STAG1: variants seen among roughly 807,000 people sequenced by gnomAD.
STAG1 encodes cohesin subunit SA-1.
Under a neutral mutation model 170.9 loss-of-function variants are expected in STAG1, and 26 were observed. That is an observed-to-expected ratio of 0.15 (90% CI 0.11 to 0.21). The LOEUF (loss-of-function observed/expected upper bound fraction) is 0.21, where lower values mean the gene tolerates loss of function less well. Among genes scored for constraint, STAG1 ranks in the 10% least tolerant of loss-of-function variants. The pLI, the probability that STAG1 is intolerant of heterozygous loss-of-function variation, is 1.00. For synonymous variants in STAG1, 514 were observed against 497.7 expected (o/e 1.03, Z -0.44); for missense variants, 964 against 1,509.5 (o/e 0.64, Z 5.99).
At chr3:136,345,904 C>T (rs575236591) in intron 29 of STAG1, among the ~76,000 whole-genome samples, 1 of 152,198 alleles carries the variant, frequency 6.6e-6, no homozygotes, top group East Asian at 1.9e-4. Context: ...ACTACTCAAT[C>T]TCTTCTTAGT....
chr3:136,742,762 T>C (rs1206216789), intron 1 of STAG1, among the ~76,000 whole-genome samples: 1 of 149,650 alleles, frequency 6.7e-6, no homozygotes, highest in Non-Finnish European at 1.5e-5. Context: ...TTCTAAGTAA[T>C]CCATGGGTAA....
intron 12 of STAG1, among the ~76,000 whole-genome samples, chr3:136,466,325 A>C: frequency 6.6e-6 from 1 of 152,224 alleles, no homozygotes. Flanking sequence ...GATGGAGCTG[A>C]AAACCATGGC....
chr3:136,441,292 CA>C (rs1390894789), intron 15 of STAG1, among the ~76,000 whole-genome samples: 1 of 152,152 alleles, frequency 6.6e-6, no homozygotes, highest in Non-Finnish European at 1.5e-5. Context: ...CTCAGCCTCC[CA>C]AAGTGCTGGG....
At chr3:136,705,409 ACACACACACACACAC>A (rs1943201926) in intron 1 of STAG1, among the ~76,000 whole-genome samples, 1 of 151,364 alleles carries the variant, frequency 6.6e-6, no homozygotes, top group Non-Finnish European at 1.5e-5. Context: ...ACACACACAC[ACACACACACACACAC>A]AACGAAGTTC....
chr3:136,368,537 A>G (rs1245164961), intron 24 of STAG1, among the ~76,000 whole-genome samples: 1 of 105,604 alleles, frequency 9.5e-6, no homozygotes, highest in Non-Finnish European at 2.2e-5. Context: ...CCAATTAGAA[A>G]CAACATCTAT....
At chr3:136,581,462 A>C (rs1001891039) in intron 4 of STAG1, among the ~76,000 whole-genome samples, 4 of 152,204 alleles carry the variant, frequency 2.6e-5, no homozygotes, top group Non-Finnish European at 2.9e-5. Context: ...CAGAAAAAAA[A>C]CCACCTGTCT....
chr3:136,435,969 GT>G (rs961221956), intron 15 of STAG1, among the ~76,000 whole-genome samples: 11 of 151,454 alleles, frequency 7.3e-5, no homozygotes, highest in Non-Finnish European at 1.5e-4. Flanking sequence ...CACCCAGCCT[GT>G]TTTTTTTGAG....
At chr3:136,378,035 T>C (rs1378280900) in intron 22 of STAG1, among the ~76,000 whole-genome samples, 1 of 152,206 alleles carries the variant, frequency 6.6e-6, no homozygotes, top group African/African-American at 2.4e-5. Flanking sequence ...TTTAGGTTGA[T>C]TAAAATTGCT....
chr3:136,547,368 T>C (rs1269991981), intron 5 of STAG1, among the ~76,000 whole-genome samples: 1 of 152,192 alleles, frequency 6.6e-6, no homozygotes, highest in African/African-American at 2.4e-5. Flanking sequence ...CCACCAAAGG[T>C]GGTAGCTGTC....
At chr3:136,641,099 T>C (rs544307755) in intron 1 of STAG1, among the ~76,000 whole-genome samples, 78 of 152,324 alleles carry the variant, frequency 5.1e-4, no homozygotes, top group Non-Finnish European at 3.2e-4. Flanking sequence ...ACATAATGAA[T>C]AGAAGAGCTG....
chr3:136,377,575 A>T, intron 23 of STAG1, 85 bp downstream of exon 23: 8 of 1,076,634 alleles, frequency 7.4e-6, no homozygotes, highest in Non-Finnish European at 1.1e-5. Flanking sequence ...GTGTACAAAA[A>T]CTGCCATAAA....
chr3:136,656,617 T>TTTTGTGTGTGTGTGTG (rs375214863), intron 1 of STAG1, among the ~76,000 whole-genome samples: 3 of 143,294 alleles, frequency 2.1e-5, no homozygotes, highest in African/African-American at 5.5e-5. Context: ...CTGTATTTAT[T>TTTTGTGTGTGTGTGTG]TGTGTGTGTG....
chr3:136,657,198 T>C lies in STAG1; in HGVS notation c.-83-26217A>G, dbSNP rs1353540818. On this transcript the variant is annotated intron_variant, in intron 1 of 33. Coordinates refer to ENST00000383202, the MANE Select transcript of STAG1 (RefSeq NM_005862.3). ...ACACGTTTCTTTCTTTCTTTTTTTT[T>C]TTTTTTTTTTTTTTTTTTGAGACAA... 6.5e-3 allele frequency among the ~76,000 whole-genome samples: 924 copies of C among 142,014 alleles called. 14 individuals are homozygous for C. Among genetic ancestry groups the C allele is most frequent in the African/African-American group, 0.021 (800 of 38,174 alleles). 93.2% of individuals were successfully genotyped at this position (142,014 alleles called of 152,430 possible).
chr3:136,424,197 G>A (rs996051270), intron 16 of STAG1, among the ~76,000 whole-genome samples: 1 of 152,034 alleles, frequency 6.6e-6, no homozygotes, highest in Non-Finnish European at 1.5e-5. Flanking sequence ...TCTGCACAAA[G>A]CAATTAAGGG....
chr3:136,380,968 T>G (rs1218992384), intron 22 of STAG1, among the ~76,000 whole-genome samples: 2 of 144,152 alleles, frequency 1.4e-5, no homozygotes, highest in Non-Finnish European at 3.0e-5. Context: ...TGCAGTGAGC[T>G]GAGATTGATT....
intron 4 of STAG1, among the ~76,000 whole-genome samples, chr3:136,576,479 A>G (rs1213229009): frequency 3.9e-5 from 6 of 152,224 alleles, no homozygotes; most frequent in Non-Finnish European, 7.3e-5. Flanking sequence ...CATTCATATG[A>G]CAAAAAATGA....
At chr3:136,434,023 C>A (rs2088384959) in intron 15 of STAG1, among the ~76,000 whole-genome samples, 1 of 151,926 alleles carries the variant, frequency 6.6e-6, no homozygotes, top group South Asian at 2.1e-4. Flanking sequence ...ACTTAACAGA[C>A]AATATTTTTC....
chr3:136,728,634 T>C (rs1355268798), intron 1 of STAG1, among the ~76,000 whole-genome samples: 2 of 152,234 alleles, frequency 1.3e-5, no homozygotes, highest in African/African-American at 4.8e-5. Context: ...TATTATATAA[T>C]GTTATTATGT....
At chr3:136,561,945 T>G (rs941164664) in intron 5 of STAG1, among the ~76,000 whole-genome samples, 1 of 152,190 alleles carries the variant, frequency 6.6e-6, no homozygotes, top group African/African-American at 2.4e-5. Flanking sequence ...ATCCGTTTTA[T>G]CCTTCTTTCA....
Sources: gnomAD v4.1 joint callset for allele counts (sites outside exome capture counted in the v4.1 genomes callset) on GRCh38, gnomAD v4.1.1 for gene constraint, MANE v1.5 for transcripts, NCBI Gene and HGNC (gene_info 2026-07-23, HGNC 2026-07-21) for gene names.